CDC14A: variants seen among roughly 807,000 people sequenced by gnomAD.
The protein encoded by CDC14A is cell division cycle 14A.
In CDC14A, 53 loss-of-function variants were observed where a neutral mutation model predicts 74.4. That is an observed-to-expected ratio of 0.71 (90% confidence interval 0.57 to 0.89). The LOEUF is 0.89. CDC14A is among the 40% of genes least tolerant of loss of function. The probability of loss-of-function intolerance (pLI) is 0.00; values close to 1 mark genes in which losing one functional copy is unlikely to be tolerated. For synonymous variants in CDC14A, 247 were observed against 258.4 expected (o/e 0.96, Z 0.43); for missense variants, 646 against 713.7 (o/e 0.91, Z 1.08).
intron 10 of CDC14A, among the ~76,000 whole-genome samples, chr1:100,470,883 T>G (rs1327455022): frequency 6.6e-6 from 1 of 152,126 alleles, no homozygotes; most frequent in South Asian, 2.1e-4. Context: ...TCTCATAACG[T>G]TAATCTATAT....
At chr1:100,482,970 C>T (rs1306910449) in intron 10 of CDC14A, among the ~76,000 whole-genome samples, 1 of 152,116 alleles carries the variant, frequency 6.6e-6, no homozygotes, top group Non-Finnish European at 1.5e-5. Context: ...ATATGTACCA[C>T]ATTTTCTCTA....
chr1:100,357,172 G>A (rs1156853474), intron 2 of CDC14A, among the ~76,000 whole-genome samples: 1 of 152,180 alleles, frequency 6.6e-6, no homozygotes, highest in Non-Finnish European at 1.5e-5. Context: ...ATCACTGTTA[G>A]ATATCACATA....
At chr1:100,349,587 A>G (rs1382685750), upstream of CDC14A, among the ~76,000 whole-genome samples, 1 of 152,212 alleles carries the variant, frequency 6.6e-6, no homozygotes, top group African/African-American at 2.4e-5. Flanking sequence ...AGAATTTTCT[A>G]TACCATTTAG....
Position 100,353,785 on chromosome 1 carries a change from A to C in CDC14A, c.73A>C (p.Arg25=). 1.2e-6 allele frequency: 2 copies of C among 1,603,314 alleles called. No individual in the cohort carries two copies. Among genetic ancestry groups the C allele is most frequent in the South Asian group, 2.2e-5 (2 of 90,282 alleles). ...MKDRLYFATL[R]NRPKSTVNTH... ...AGATCGGTTATATTTTGCTACTTTA[A>C]GGAATAGACCAAAAAGCACAGTAAA... The change falls in exon 2 of 16, where the codon AGG becomes CGG. Residue 25 remains arginine, a synonymous_variant. Coordinates refer to ENST00000336454, the MANE Select transcript of CDC14A (RefSeq NM_003672.4).
chr1:100,493,577 C>T (rs1217696602), intron 11 of CDC14A, among the ~76,000 whole-genome samples: 1 of 152,214 alleles, frequency 6.6e-6, no homozygotes, highest in African/African-American at 2.4e-5. Context: ...CAACTTGAGA[C>T]TCTAAGAGAA....
At chr1:100,398,790 A>G (rs1311005657) in intron 4 of CDC14A, among the ~76,000 whole-genome samples, 1 of 152,080 alleles carries the variant, frequency 6.6e-6, no homozygotes, top group Non-Finnish European at 1.5e-5. Flanking sequence ...AGTTGAGGAT[A>G]CTAAGGTGAA....
chr1:100,436,104 C>A (rs928172403), intron 5 of CDC14A, among the ~76,000 whole-genome samples: 3 of 152,098 alleles, frequency 2.0e-5, no homozygotes, highest in Non-Finnish European at 4.4e-5. Flanking sequence ...TTTCCTAACT[C>A]CTGACCTCCA....
intron 10 of CDC14A, among the ~76,000 whole-genome samples, chr1:100,474,513 G>A (rs550912847): frequency 4.0e-5 from 6 of 151,736 alleles, no homozygotes; most frequent in Admixed American, 2.0e-4. Flanking sequence ...AAGGCTATTT[G>A]AATAATCCAT....
chr1:100,488,149 C>T (rs658317), intron 11 of CDC14A, among the ~76,000 whole-genome samples: 142,463 of 152,254 alleles, frequency 0.94, 67,190 homozygotes, highest in Non-Finnish European at 1. Flanking sequence ...TTGGAGTTAT[C>T]TTAAAAGATA....
chr1:100,491,665 G>A (rs183043131), intron 11 of CDC14A, among the ~76,000 whole-genome samples: 210 of 139,596 alleles, frequency 1.5e-3, no homozygotes, highest in Non-Finnish European at 2.7e-3. Flanking sequence ...TCTGCCTCCC[G>A]GGTTCAAGTG....
chr1:100,384,777 A>C (rs1656613206), intron 3 of CDC14A, among the ~76,000 whole-genome samples: 1 of 152,190 alleles, frequency 6.6e-6, no homozygotes, highest in Non-Finnish European at 1.5e-5. Context: ...TGAAAGCTTC[A>C]ATTTTGTCTT....
Position 100,353,769 on chromosome 1 carries a change from A to T in CDC14A, c.57A>T (p.Leu19Phe), listed in dbSNP as rs999743208. Residue 19 changes from leucine to phenylalanine, a missense_variant, in exon 2 of 16, where the codon TTA becomes TTT. Leu to Phe is a conservative substitution (Grantham distance 22, BLOSUM62 0). Coordinates refer to ENST00000336454, the MANE Select transcript of CDC14A (RefSeq NM_003672.4). Reference sequence around the variant, plus strand: ...TTTAAACTTGTCTTTCAGATCGGTTATATTTTGCTACTTTAAGGAATAGAC... The same window carrying T: ...TTTAAACTTGTCTTTCAGATCGGTTTTATTTTGCTACTTTAAGGAATAGAC... ...IGACEFMKDR[L>F]YFATLRNRPK... The T allele has an allele frequency of 1.3e-6, 2 of 1,572,170 alleles. No individual in the cohort carries two copies. The highest frequency in any genetic ancestry group is 2.7e-5 in the African/African-American group (2 of 74,024).
chr1:100,512,173 C>G (rs2101478995), intron 15 of CDC14A, among the ~76,000 whole-genome samples: 1 of 152,186 alleles, frequency 6.6e-6, no homozygotes, highest in South Asian at 2.1e-4. Flanking sequence ...CCTTTCTCGA[C>G]TCTCCTAGGA....
At chr1:100,456,816 C>T (rs192217600) in intron 8 of CDC14A, among the ~76,000 whole-genome samples, 4 of 152,192 alleles carry the variant, frequency 2.6e-5, no homozygotes, top group Admixed American at 6.5e-5. Context: ...TTTTACCATG[C>T]GAATGGGCAA....
intron 15 of CDC14A, among the ~76,000 whole-genome samples, chr1:100,501,732 T>C (rs1333870492): frequency 6.6e-6 from 1 of 152,236 alleles, no homozygotes; most frequent in Non-Finnish European, 1.5e-5. Flanking sequence ...ATTGTTGTTA[T>C]AAGAAATGAC....
chr1:100,372,995 A>G (rs1425334303), intron 2 of CDC14A, among the ~76,000 whole-genome samples: 3 of 152,170 alleles, frequency 2.0e-5, no homozygotes, highest in African/African-American at 7.2e-5. Flanking sequence ...TATCATTCAT[A>G]TGTTCACTGG....
intron 1 of CDC14A, among the ~76,000 whole-genome samples, chr1:100,346,392 G>A (rs188415814): frequency 9.1e-4 from 138 of 152,230 alleles, no homozygotes; most frequent in African/African-American, 3.3e-3. Flanking sequence ...CACTTTGGGA[G>A]GTCGAGGCAG....
rs553301145 is a variant in CDC14A, at chr1:100,465,901, A to G, written c.839-2055A>G. 5.3e-5 allele frequency among the ~76,000 whole-genome samples: 8 copies of G among 152,330 alleles called. No homozygotes were observed. The East Asian group carries it at 1.5e-3, about 29-fold the overall frequency. On this transcript the variant is annotated intron_variant, in intron 9 of 15. Coordinates refer to ENST00000336454, the MANE Select transcript of CDC14A (RefSeq NM_003672.4). ...ACTTGGTATAAATAGAACACTTTTC[A>G]ACATCTTGTCATGCTGTGCCAGGGA...
At chr1:100,467,463 T>C (rs1667954821) in intron 9 of CDC14A, among the ~76,000 whole-genome samples, 1 of 152,104 alleles carries the variant, frequency 6.6e-6, no homozygotes, top group Non-Finnish European at 1.5e-5. Flanking sequence ...TCTAACTAAA[T>C]GTTTTCATGG....
Sources: allele counts gnomAD v4.1 joint callset (sites outside exome capture counted in the v4.1 genomes callset), GRCh38; gene constraint gnomAD v4.1.1; transcripts MANE v1.5; gene names NCBI Gene and HGNC (gene_info 2026-07-23, HGNC 2026-07-21).